The following CUL2 variants were observed in gnomAD, a reference collection of about 807,000 sequenced individuals.
CUL2 encodes the protein cullin-2.
CUL2 carries 22 observed loss-of-function variants against 110.2 expected under a neutral mutation model. The ratio of observed to expected loss-of-function variants is 0.20; its 90% confidence interval spans 0.14 to 0.28. The LOEUF (loss-of-function observed/expected upper bound fraction) is 0.28, where lower values mean the gene tolerates loss of function less well. CUL2 is among the 10% of genes least tolerant of loss of function. The probability of loss-of-function intolerance (pLI) is 1.00; values close to 1 mark genes in which losing one functional copy is unlikely to be tolerated. For synonymous variants in CUL2, 279 were observed against 293.2 expected, an observed-to-expected ratio of 0.95 and a Z score of 0.49; for missense variants, 631 against 905.5, an observed-to-expected ratio of 0.70 and a Z score of 3.89.
At chr10:35,089,367 T>A (rs1002955357) in intron 1 of CUL2, among the ~76,000 whole-genome samples, 4 of 152,076 alleles carry the variant, frequency 2.6e-5, no homozygotes, top group Non-Finnish European at 5.9e-5. Flanking sequence ...TGTAGTCAGT[T>A]GTCAATCAGA....
chr10:35,029,949 T>C (rs577546190), intron 14 of CUL2, among the ~76,000 whole-genome samples: 1 of 152,356 alleles, frequency 6.6e-6, no homozygotes, highest in South Asian at 2.1e-4. Flanking sequence ...GCCCCGTTAC[T>C]ATACATAAGA....
At chr10:35,062,688 A>G (rs2086413557) in intron 3 of CUL2, among the ~76,000 whole-genome samples, 1 of 150,676 alleles carries the variant, frequency 6.6e-6, no homozygotes, top group African/African-American at 2.4e-5. Flanking sequence ...AAAAAAAAAA[A>G]TTGCCAGGTG....
upstream of CUL2, among the ~76,000 whole-genome samples, chr10:35,091,205 C>T (rs2087198509): frequency 2.0e-5 from 3 of 152,156 alleles, no homozygotes; most frequent in South Asian, 6.2e-4. Flanking sequence ...AACAAAAGCC[C>T]GGCCTTAGTG....
chr10:35,025,547 A>G (rs2085316705), intron 16 of CUL2, among the ~76,000 whole-genome samples: 1 of 152,216 alleles, frequency 6.6e-6, no homozygotes, highest in African/African-American at 2.4e-5. Flanking sequence ...AGCAACATAT[A>G]TATTTCACCA....
chr10:35,014,496 A>G (rs541051941), intron 18 of CUL2, among the ~76,000 whole-genome samples: 1 of 152,316 alleles, frequency 6.6e-6, no homozygotes, highest in African/African-American at 2.4e-5. Flanking sequence ...ATAATTCTCA[A>G]TAATAATCTA....
chr10:35,100,014 C>CAGA (rs2087356071), intron 2 of CUL2, among the ~76,000 whole-genome samples: 1 of 151,866 alleles, frequency 6.6e-6, no homozygotes, highest in Non-Finnish European at 1.5e-5. Context: ...CTATGTTGCC[C>CAGA]AGGCTGGTCT....
chr10:35,069,523 A>C (rs1458506248), intron 2 of CUL2, among the ~76,000 whole-genome samples: 1 of 152,004 alleles, frequency 6.6e-6, no homozygotes, highest in Non-Finnish European at 1.5e-5. Context: ...CCTGGGTGAC[A>C]AAGTGAGACC....
At chr10:35,077,748 C>G (rs182221923) in intron 1 of CUL2, among the ~76,000 whole-genome samples, 1 of 148,064 alleles carries the variant, frequency 6.8e-6, no homozygotes, top group East Asian at 2.0e-4. Context: ...ACCCAGGAGG[C>G]GGGGGTTGCG....
rs1447301744 is a variant in CUL2, at chr10:35,011,904, T to C, written c.2050A>G (p.Ile684Val). Residue 684 changes from isoleucine to valine, a missense_variant, in exon 20 of 21, where the codon ATA (isoleucine) becomes GTA (valine). Physicochemically the swap from Ile to Val is conservative, Grantham distance 29. Around this residue, in one of 3 missense-constraint regions of CUL2, gnomAD observed 159 missense variants for 202.7 expected, o/e 0.78. Coordinates refer to ENST00000374749, the MANE Select transcript of CUL2 (RefSeq NM_003591.4). Reference sequence around the variant, plus strand: ...TTTCGTGCTTTCATGATACGAACTATAGCAGCTTGGAGATACATTTTCCGG... The same window carrying C: ...TTTCGTGCTTTCATGATACGAACTACAGCAGCTTGGAGATACATTTTCCGG... ...EDRKMYLQAA[I>V]VRIMKARKVL... 1.9e-6 allele frequency: 3 copies of C among 1,614,042 alleles called. No individual in the cohort carries two copies. The highest frequency in any genetic ancestry group is 1.1e-5 in the South Asian group (1 of 91,084).
intron 16 of CUL2, among the ~76,000 whole-genome samples, chr10:35,028,408 C>T (rs943600772): frequency 3.3e-5 from 5 of 152,154 alleles, no homozygotes; most frequent in Non-Finnish European, 7.4e-5. Context: ...TATTTACCTA[C>T]ATTACAGGAC....
chr10:35,098,163 A>T (rs2087325370), intron 2 of CUL2: 1 of 152,158 alleles, frequency 6.6e-6, no homozygotes, highest in Non-Finnish European at 1.5e-5. Flanking sequence ...TTTTTTAATA[A>T]AAAGAAATTA....
At chr10:35,075,401 T>C (rs2086790320) in intron 1 of CUL2, among the ~76,000 whole-genome samples, 2 of 152,156 alleles carry the variant, frequency 1.3e-5, no homozygotes, top group South Asian at 4.1e-4. Context: ...AGTCACACTA[T>C]TTCTACCCCC....
chr10:35,052,425 T>C (rs11010080), intron 5 of CUL2, among the ~76,000 whole-genome samples: 1 of 152,164 alleles, frequency 6.6e-6, no homozygotes, highest in African/African-American at 2.4e-5. Context: ...ACCCAGTCTA[T>C]AAAAAGTTCT....
Position 35,045,500 on chromosome 10 carries a change from G to A in CUL2, c.507-632C>T, listed in dbSNP as rs112135522. Among the ~76,000 whole-genome samples, 5 of 147,844 alleles carry A rather than the reference G, an allele frequency of 3.4e-5. 1 individual carries two copies. The highest frequency in any genetic ancestry group is 1.2e-4 in the African/African-American group (5 of 40,132). On this transcript the variant is annotated intron_variant, in intron 6 of 20. Transcript: ENST00000374749. ...AGGCTGAGGTGGGATGATCCCTTGA[G>A]TCCTGAGTTTGAGACTAGCCTGGGC...
At chr10:35,087,105 C>T (rs1446064478) in intron 1 of CUL2, among the ~76,000 whole-genome samples, 1 of 152,218 alleles carries the variant, frequency 6.6e-6, no homozygotes, top group East Asian at 1.9e-4. Flanking sequence ...CACTCTGTCA[C>T]TCAGGCTGGA....
intron 1 of CUL2, among the ~76,000 whole-genome samples, chr10:35,080,406 A>G (rs978395210): frequency 5.9e-5 from 9 of 151,898 alleles, no homozygotes; most frequent in African/African-American, 2.2e-4. Flanking sequence ...CATTTCCATC[A>G]TGACTTTCTG....
At chr10:35,105,381 G>C (rs1283239110) in intron 1 of CUL2, among the ~76,000 whole-genome samples, 1 of 135,830 alleles carries the variant, frequency 7.4e-6, no homozygotes, top group East Asian at 2.3e-4. Flanking sequence ...AGCCGAGATG[G>C]CGCCACTGCA....
rs1199307037 is a variant in CUL2, at chr10:35,009,852, A to G, written c.*459T>C. On this transcript the variant is annotated 3_prime_UTR_variant, in exon 21 of 21. Coordinates refer to ENST00000374749, the MANE Select transcript of CUL2 (RefSeq NM_003591.4). ...ACCTGATACTCCATCCACATAAAAA[A>G]GGCATTCTATTTCTTTATTTTTTTT... is the stretch of plus-strand genomic sequence containing the variant. The G allele has an allele frequency of 6.5e-6, 1 of 152,684 alleles. No individual in the cohort carries two copies. The highest frequency in any genetic ancestry group is 2.4e-5 in the African/African-American group (1 of 41,460). 9.5% of individuals were successfully genotyped at this position (152,684 alleles called of 1,614,324 possible).
intron 12 of CUL2, 106 bp downstream of exon 12, chr10:35,032,328 AT>A: frequency 1.1e-6 from 1 of 944,038 alleles, no homozygotes; most frequent in Non-Finnish European, 1.6e-6. Flanking sequence ...TTTTCCTTCT[AT>A]TTTTCTGAAA....
Sources: allele counts gnomAD v4.1 joint callset (sites outside exome capture counted in the v4.1 genomes callset), GRCh38; gene constraint gnomAD v4.1.1; regional missense constraint gnomAD v4.1.1; transcripts MANE v1.5; gene names NCBI Gene and HGNC (gene_info 2026-07-23, HGNC 2026-07-21).